The following MAN1C1 variants were observed in gnomAD, a reference collection of about 807,000 sequenced individuals.
The protein encoded by MAN1C1 is mannosidase alpha class 1C member 1.
MAN1C1 carries 49 observed loss-of-function variants against 71.5 expected under a neutral mutation model. The observed-to-expected ratio is 0.69, with a 90% confidence interval of 0.54 to 0.87. The LOEUF is 0.87. Among genes scored for constraint, MAN1C1 ranks in the 40% least tolerant of loss-of-function variants. The pLI is 0.00. For synonymous variants in MAN1C1, 352 were observed against 343.7 expected, an observed-to-expected ratio of 1.02 and a Z score of -0.27; for missense variants, 743 against 835.0, an observed-to-expected ratio of 0.89 and a Z score of 1.36.
Position 25,783,954 on chromosome 1 carries a change from G to T in MAN1C1, c.*165G>T. On this transcript the variant is annotated 3_prime_UTR_variant, in exon 12 of 12. Transcript: ENST00000374332. ...TTTCCTCTGTGAGGAGACAAGACTT[G>T]GAGACTCAGCGATGTCAGGCCAGGG... The T allele has an allele frequency of 1.1e-6, 1 of 916,596 alleles. No individual in the cohort carries two copies. Among genetic ancestry groups the T allele is most frequent in the Non-Finnish European group, 1.6e-6 (1 of 627,136 alleles). 56.8% of individuals were successfully genotyped at this position (916,596 alleles called of 1,614,324 possible).
intron 1 of MAN1C1, among the ~76,000 whole-genome samples, chr1:25,679,948 A>AT (rs2046124323): frequency 8.4e-6 from 1 of 118,678 alleles, no homozygotes; most frequent in African/African-American, 4.1e-5. Context: ...AAAAAAAAAA[A>AT]AAATATATAT....
intron 1 of MAN1C1, among the ~76,000 whole-genome samples, chr1:25,648,023 A>G (rs112768477): frequency 0.025 from 3,789 of 152,294 alleles, 170 homozygotes; most frequent in African/African-American, 0.086. Flanking sequence ...CCCAATCAGC[A>G]CAAGTAGTGT....
intron 1 of MAN1C1, among the ~76,000 whole-genome samples, chr1:25,678,195 T>TA (rs1414544641): frequency 6.6e-6 from 1 of 152,330 alleles, no homozygotes; most frequent in African/African-American, 2.4e-5. Context: ...TGTTCTGCCT[T>TA]TCCACCTAAT....
At chr1:25,770,089 C>T (rs2047529943) in intron 7 of MAN1C1, among the ~76,000 whole-genome samples, 2 of 152,144 alleles carry the variant, frequency 1.3e-5, no homozygotes, top group Admixed American at 6.5e-5. Flanking sequence ...TCCCCGGCCC[C>T]TCCTCTGCAA....
intron 1 of MAN1C1, among the ~76,000 whole-genome samples, chr1:25,622,680 C>T (rs937171964): frequency 1.3e-5 from 2 of 152,192 alleles, no homozygotes; most frequent in African/African-American, 4.8e-5. Context: ...GCCTAGAGAG[C>T]AGGCATCGGA....
intron 2 of MAN1C1, among the ~76,000 whole-genome samples, chr1:25,706,135 T>A (rs2046518277): frequency 6.6e-6 from 1 of 152,180 alleles, no homozygotes. Context: ...TGCAAAAGGT[T>A]AGGTCTGTTT....
chr1:25,763,453 C>T (rs1431393098), intron 6 of MAN1C1, among the ~76,000 whole-genome samples: 11 of 134,936 alleles, frequency 8.2e-5, no homozygotes, highest in Non-Finnish European at 1.7e-4. Context: ...CGTGCCACTG[C>T]ACTCCAGCCT....
At chr1:25,690,066 C>G (rs535323981) in intron 2 of MAN1C1, among the ~76,000 whole-genome samples, 33 of 152,282 alleles carry the variant, frequency 2.2e-4, no homozygotes, top group African/African-American at 7.2e-4. Context: ...ACTTGCCCTT[C>G]CTTGAATCTA....
chr1:25,719,946 G>C (rs757429280), intron 2 of MAN1C1, among the ~76,000 whole-genome samples: 1 of 151,834 alleles, frequency 6.6e-6, no homozygotes, highest in Non-Finnish European at 1.5e-5. Context: ...ACCATACCTG[G>C]CTAATTTTTG....
chr1:25,627,467 G>A (rs1014286227), intron 1 of MAN1C1, among the ~76,000 whole-genome samples: 14 of 152,028 alleles, frequency 9.2e-5, no homozygotes, highest in African/African-American at 2.9e-4. Context: ...TAGAGACGGG[G>A]TTTTGCCATG....
intron 5 of MAN1C1, among the ~76,000 whole-genome samples, chr1:25,758,202 TC>T (rs1215602361): frequency 6.6e-6 from 1 of 152,226 alleles, no homozygotes; most frequent in Non-Finnish European, 1.5e-5. Context: ...TTGTGAGCCA[TC>T]CGGTGCCTTC....
At chr1:25,695,526 G>T (rs1313233275) in intron 2 of MAN1C1, among the ~76,000 whole-genome samples, 1 of 152,122 alleles carries the variant, frequency 6.6e-6, no homozygotes, top group East Asian at 1.9e-4. Flanking sequence ...CATTCCTGGG[G>T]CCCAAGGGGT....
At chr1:25,624,025 C>T (rs1179867202) in intron 1 of MAN1C1, among the ~76,000 whole-genome samples, 1 of 152,186 alleles carries the variant, frequency 6.6e-6, no homozygotes, top group African/African-American at 2.4e-5. Context: ...AACAATAAGC[C>T]CTGGTTCTTG....
Position 25,623,454 on chromosome 1 carries a change from TG to T in MAN1C1, c.540+5126del, listed in dbSNP as rs3835658. 1.9e-4 allele frequency among the ~76,000 whole-genome samples: 28 copies of T among 149,360 alleles called. No homozygotes were observed. In the East Asian group the frequency reaches 3.9e-3, roughly 21 times the overall value. On this transcript the variant is annotated intron_variant, in intron 1 of 11. Transcript: ENST00000374332. Reference sequence around the variant, plus strand: ...TATTTCACAGTATAGTTAGTGGTGGTGGGGGGGGGTAAGAATATAGATTCCC... The same window carrying T: ...TATTTCACAGTATAGTTAGTGGTGGTGGGGGGGGTAAGAATATAGATTCCC...
chr1:25,700,658 A>C (rs2046429806), intron 2 of MAN1C1, among the ~76,000 whole-genome samples: 1 of 152,088 alleles, frequency 6.6e-6, no homozygotes, highest in Non-Finnish European at 1.5e-5. Context: ...TACTCCTCGA[A>C]CTCTTTAAGT....
chr1:25,674,017 C>A (rs978119896), intron 1 of MAN1C1, among the ~76,000 whole-genome samples: 18 of 152,362 alleles, frequency 1.2e-4, no homozygotes, highest in Non-Finnish European at 2.2e-4. Flanking sequence ...ACGCTGTCTT[C>A]CTGCCCCCAC....
chr1:25,621,685 G>A (rs138791150), intron 1 of MAN1C1, among the ~76,000 whole-genome samples: 6 of 151,948 alleles, frequency 3.9e-5, no homozygotes, highest in Non-Finnish European at 8.8e-5. Flanking sequence ...GTGCAGTGGC[G>A]TGGTCTTGGC....
In MAN1C1 at chr1:25,711,250, G is replaced by A. The variant is rs2046609009; in HGVS notation, c.637+24714G>A. Reference sequence around the variant, plus strand: ...TTGGTCAGAGTAAGTTAATTGGCCAGCCTGGACACAAGGAGTGAAGAGAGA... The same window carrying A: ...TTGGTCAGAGTAAGTTAATTGGCCAACCTGGACACAAGGAGTGAAGAGAGA... On this transcript the variant is annotated intron_variant, in intron 2 of 11. Coordinates refer to ENST00000374332, the MANE Select transcript of MAN1C1 (RefSeq NM_020379.4). The surrounding 1 kb of genome is among the most constrained non-coding windows in gnomAD (Gnocchi z 4.3). Among the ~76,000 whole-genome samples the A allele has an allele frequency of 6.6e-6, 1 of 152,168 alleles. No individual in the cohort carries two copies.
At chr1:25,674,035 C>T (rs1165051308) in intron 1 of MAN1C1, among the ~76,000 whole-genome samples, 1 of 152,216 alleles carries the variant, frequency 6.6e-6, no homozygotes. Flanking sequence ...CACCTAACAC[C>T]CAATCTGTGA....
Sources: gnomAD v4.1 joint callset for allele counts (sites outside exome capture counted in the v4.1 genomes callset) on GRCh38, gnomAD v4.1.1 for gene constraint, Gnocchi (gnomAD v3.1) non-coding constraint, MANE v1.5 for transcripts, NCBI Gene and HGNC (gene_info 2026-07-23, HGNC 2026-07-21) for gene names.